Variants in STMN2 observed in about 807,000 individuals in gnomAD.
The protein encoded by STMN2 is stathmin 2, also known as stathmin-2.
A neutral mutation model predicts 24.1 loss-of-function variants in STMN2; 2 were observed. The ratio of observed to expected loss-of-function variants is 0.08; its 90% CI spans 0.03 to 0.26. The LOEUF (loss-of-function observed/expected upper bound fraction) is 0.26. Ranked by LOEUF, STMN2 falls within the 10% of genes least tolerant of loss-of-function variation. The probability of loss-of-function intolerance (pLI) is 1.00; values close to 1 mark genes in which losing one functional copy is unlikely to be tolerated. For missense variants in STMN2, 114 were observed against 213.6 expected, an observed-to-expected ratio of 0.53 and a Z score of 2.91; for synonymous variants, 83 against 77.5, an observed-to-expected ratio of 1.07 and a Z score of -0.37.
chr8:79,654,777 C>A, intron 3 of STMN2, 94 bp from the exon 4 acceptor site: 1 of 1,351,914 alleles, frequency 7.4e-7, no homozygotes. Flanking sequence ...GAGTACTATT[C>A]ATCTGAAAAG....
chr8:79,631,297 C>G lies in STMN2; in HGVS notation c.20-5505C>G, dbSNP rs573694756. 8 of 315,556 alleles carry G rather than the reference C, an allele frequency of 2.5e-5. No homozygotes were observed. In the South Asian group the frequency reaches 7.6e-4, roughly 30 times the overall value. 19.5% of individuals were successfully genotyped at this position (315,556 alleles called of 1,614,324 possible). On this transcript the variant is annotated intron_variant, in intron 1 of 4. Coordinates refer to ENST00000220876, the MANE Select transcript of STMN2 (RefSeq NM_007029.4). The stretch of plus-strand genomic sequence containing the variant: ...CTGTATAACCCAGTGATGGGTTGTA[C>G]TGCTTTGACCTTCTTAAATGTCCCT...
chr8:79,633,985 G>A (rs1432600276), intron 1 of STMN2, among the ~76,000 whole-genome samples: 2 of 152,266 alleles, frequency 1.3e-5, no homozygotes, highest in South Asian at 2.1e-4. Flanking sequence ...TTCACGTTCC[G>A]ATACAGCTTT....
intron 1 of STMN2, among the ~76,000 whole-genome samples, chr8:79,630,949 GAC>G (rs1438740482): frequency 1.3e-5 from 2 of 152,116 alleles, no homozygotes. Context: ...TAAAAATCTT[GAC>G]ACATAAACAG....
rs370371267 is a variant in STMN2 at position 79,641,817 on chromosome 8, A to C, written c.288+267A>C. ...AACCAGAGCTCTCAGAAATCCAAAG[A>C]GCTTCAGTGCTCTAGTGCCCCTTCC... On this transcript the variant is annotated intron_variant, in intron 3 of 4. Transcript: ENST00000220876. Among the ~76,000 whole-genome samples the C allele has an allele frequency of 1.1e-3, 171 of 152,172 alleles. 1 individual carries two copies. The highest frequency in any genetic ancestry group is 3.4e-3 in the African/African-American group (142 of 41,536).
intron 4 of STMN2, among the ~76,000 whole-genome samples, chr8:79,664,380 G>A (rs1806559166): frequency 6.6e-6 from 1 of 152,200 alleles, no homozygotes; most frequent in African/African-American, 2.4e-5. Context: ...AACAGGTCAA[G>A]AGTTTAAGAA....
chr8:79,639,846 T>C (rs1254956807), intron 2 of STMN2, among the ~76,000 whole-genome samples: 1 of 152,212 alleles, frequency 6.6e-6, no homozygotes, highest in African/African-American at 2.4e-5. Flanking sequence ...AAAAATCTAC[T>C]CTTTCAGTGA....
chr8:79,628,159 T>A (rs1270012239), intron 1 of STMN2, among the ~76,000 whole-genome samples: 10 of 152,044 alleles, frequency 6.6e-5, no homozygotes, highest in Non-Finnish European at 1.5e-4. Flanking sequence ...TTATTTTTTT[T>A]TATTTTTTAT....
intron 4 of STMN2, among the ~76,000 whole-genome samples, chr8:79,660,997 G>C (rs1277328785): frequency 6.6e-6 from 1 of 152,098 alleles, no homozygotes; most frequent in South Asian, 2.1e-4. Context: ...TTTTATGGCT[G>C]AGTAGTATTA....
At chr8:79,622,287 G>A (rs746589485) in intron 1 of STMN2, among the ~76,000 whole-genome samples, 1 of 152,062 alleles carries the variant, frequency 6.6e-6, no homozygotes, top group Non-Finnish European at 1.5e-5. Context: ...TAAGCATTTG[G>A]TCATCAAAAA....
intron 3 of STMN2, among the ~76,000 whole-genome samples, chr8:79,642,718 T>C (rs1810128367): frequency 1.3e-5 from 2 of 152,048 alleles, no homozygotes; most frequent in East Asian, 3.9e-4. Flanking sequence ...TATTATCAAA[T>C]AATGAGGCTC....
At chr8:79,621,093 G>GCA in intron 1 of STMN2, 4 of 884,270 alleles carry the variant, frequency 4.5e-6, no homozygotes, top group Non-Finnish European at 5.4e-6. Context: ...CACCAGTGCT[G>GCA]CTGGTGCTGC....
chr8:79,654,410 A>G (rs970449904), intron 3 of STMN2, among the ~76,000 whole-genome samples: 16 of 152,158 alleles, frequency 1.1e-4, no homozygotes, highest in African/African-American at 3.6e-4. Flanking sequence ...TATTTGATTG[A>G]TGAAAATTGA....
chr8:79,611,152 G>A lies in STMN2; in HGVS notation c.-44G>A. ...CTCGCTCTCTCCGCTGCTGTAGCCG[G>A]ACCCTTTGCCTTCGCCACTGCTCAG... is the stretch of plus-strand genomic sequence containing the variant. On this transcript the variant is annotated 5_prime_UTR_variant, in exon 1 of 5. Coordinates refer to ENST00000220876, the MANE Select transcript of STMN2 (RefSeq NM_007029.4). 1.9e-6 allele frequency: 3 copies of A among 1,613,716 alleles called. No homozygotes were observed. Among genetic ancestry groups the A allele is most frequent in the Non-Finnish European group, 2.5e-6 (3 of 1,179,946 alleles).
chr8:79,643,696 C>T (rs1021829916), intron 3 of STMN2, among the ~76,000 whole-genome samples: 5 of 152,072 alleles, frequency 3.3e-5, no homozygotes, highest in African/African-American at 1.2e-4. Context: ...ATTAATGAAA[C>T]TGATAAAGCT....
chr8:79,622,396 A>T (rs529391806), intron 1 of STMN2, among the ~76,000 whole-genome samples: 9 of 152,318 alleles, frequency 5.9e-5, no homozygotes, highest in African/African-American at 2.2e-4. Context: ...TACTTTGTTA[A>T]TTTCTACATG....
intron 4 of STMN2, among the ~76,000 whole-genome samples, chr8:79,659,179 T>C (rs1157414196): frequency 1.3e-5 from 2 of 152,204 alleles, no homozygotes; most frequent in South Asian, 2.1e-4. Context: ...GGCTATTATA[T>C]AGAAAAGAAT....
chr8:79,650,291 G>A (rs1012599766), intron 3 of STMN2, among the ~76,000 whole-genome samples: 25 of 152,054 alleles, frequency 1.6e-4, no homozygotes, highest in Non-Finnish European at 7.4e-5. Flanking sequence ...ACCACCCTCC[G>A]TTTCATAAGT....
At chr8:79,618,118 T>C (rs1417943186) in intron 1 of STMN2, among the ~76,000 whole-genome samples, 2 of 152,260 alleles carry the variant, frequency 1.3e-5, no homozygotes, top group African/African-American at 4.8e-5. Flanking sequence ...ACACCTGTGA[T>C]ATCACCATTT....
At chr8:79,635,863 A>T (rs1809935517) in intron 1 of STMN2, among the ~76,000 whole-genome samples, 1 of 152,118 alleles carries the variant, frequency 6.6e-6, no homozygotes, top group African/African-American at 2.4e-5. Flanking sequence ...ATTCCCATGT[A>T]AAAAGACTGC....
Sources: allele counts gnomAD v4.1 joint callset (sites outside exome capture counted in the v4.1 genomes callset), GRCh38; gene constraint gnomAD v4.1.1; transcripts MANE v1.5; gene names NCBI Gene and HGNC (gene_info 2026-07-23, HGNC 2026-07-21).